The following UBXN7 variants were observed in gnomAD, a reference collection of about 807,000 sequenced individuals.
UBXN7 encodes UBX domain protein 7, also known as UBX domain-containing protein 7.
UBXN7 carries 9 observed loss-of-function variants against 58.0 expected under a neutral mutation model. The ratio of observed to expected loss-of-function variants is 0.16; its 90% CI spans 0.09 to 0.27. UBXN7 has a LOEUF of 0.27. UBXN7 is among the 10% of genes least tolerant of loss of function. The probability of loss-of-function intolerance (pLI) is 1.00; values close to 1 mark genes in which losing one functional copy is unlikely to be tolerated. For missense variants in UBXN7, 328 were observed against 599.6 expected (o/e 0.55, Z 4.73); for synonymous variants, 208 against 205.0 (o/e 1.01, Z -0.12).
In UBXN7 at chr3:196,432,263, C is replaced by CCGGGGCAG. The variant is rs754611849; in HGVS notation, c.73+56_73+63dup. On this transcript the variant is annotated intron_variant, in intron 1 of 10. Transcript: ENST00000296328. ...GGAATGCCTGAAGGTAAGGGGAAGCCCGGGGCAGACCCGCTGCCCGCTCCG... is the reference window on the plus strand; with the variant it reads ...GGAATGCCTGAAGGTAAGGGGAAGCCCGGGGCAGCGGGGCAGACCCGCTGCCCGCTCCG... 1.4e-3 allele frequency: 2,307 copies of CCGGGGCAG among 1,597,168 alleles called. 13 individuals are homozygous for CCGGGGCAG. Among genetic ancestry groups the CCGGGGCAG allele is most frequent in the Non-Finnish European group, 1.4e-3 (1,651 of 1,169,150 alleles).
At chr3:196,406,980 C>T (rs1730182213) in intron 2 of UBXN7, among the ~76,000 whole-genome samples, 1 of 152,186 alleles carries the variant, frequency 6.6e-6, no homozygotes, top group Non-Finnish European at 1.5e-5. Context: ...ACGGGCCAAT[C>T]CTAGCAGAGC....
At chr3:196,385,982 G>A (rs961376943) in intron 5 of UBXN7, among the ~76,000 whole-genome samples, 2 of 152,190 alleles carry the variant, frequency 1.3e-5, no homozygotes, top group African/African-American at 4.8e-5. Context: ...TTGTTACTGT[G>A]TCTGCGTAGA....
chr3:196,372,343 CTTTTTTTT>C (rs894793736), intron 5 of UBXN7, among the ~76,000 whole-genome samples: 1 of 107,520 alleles, frequency 9.3e-6, no homozygotes, highest in Non-Finnish European at 2.1e-5. Flanking sequence ...TTCTTTCTTT[CTTTTTTTT>C]TTTTTTTTGA....
At chr3:196,408,721 A>G (rs1188157015) in intron 1 of UBXN7, among the ~76,000 whole-genome samples, 1 of 152,220 alleles carries the variant, frequency 6.6e-6, no homozygotes, top group Non-Finnish European at 1.5e-5. Context: ...CTCTCAGAAT[A>G]TTGAAGACAG....
rs1330535040 is a variant in UBXN7, at chr3:196,356,148, C to T, written c.*537G>A. The T allele has an allele frequency of 2.6e-5, 4 of 152,654 alleles. No individual in the cohort carries two copies. Among genetic ancestry groups the T allele is most frequent in the Admixed American group, 6.5e-5 (1 of 15,280 alleles). 9.5% of individuals were successfully genotyped at this position (152,654 alleles called of 1,614,324 possible). A position where few individuals can be genotyped will look rare whatever the true frequency, so the allele number is the denominator to read the frequency against. On this transcript the variant is annotated 3_prime_UTR_variant, in exon 11 of 11. Transcript: ENST00000296328. ...GATGCTTTTTCCACGTAAACAAAAGCCTGGATATTTTGTTAAGCGACATTT... is the reference window on the plus strand; with the variant it reads ...GATGCTTTTTCCACGTAAACAAAAGTCTGGATATTTTGTTAAGCGACATTT...
In UBXN7 at chr3:196,355,372, C is replaced by T. The variant is rs2108823537; in HGVS notation, c.*1313G>A. ...TGGTATTCTACAGATTCAAGATGGC[C>T]TCTTCTAAAAACACTGAAGAAAGCT... On this transcript the variant is annotated 3_prime_UTR_variant, in exon 11 of 11. Transcript: ENST00000296328. 1 of 152,214 alleles carries T rather than the reference C, an allele frequency of 6.6e-6. No individual in the cohort carries two copies. Among genetic ancestry groups the T allele is most frequent in the Admixed American group, 6.5e-5 (1 of 15,282 alleles). The allele number at this position is 152,214 out of a possible 1,614,324, so 9.4% of individuals were successfully genotyped here. A position where few individuals can be genotyped will look rare whatever the true frequency, so the allele number is the denominator to read the frequency against.
chr3:196,361,937 TTA>T lies in UBXN7; in HGVS notation c.1229-16_1229-15del. On this transcript the variant is annotated splice_polypyrimidine_tract_variant and intron_variant, in intron 9 of 10. Coordinates refer to ENST00000296328, the MANE Select transcript of UBXN7 (RefSeq NM_015562.2). ...GTGCTTTTGGTCCTAAAGGAAGGGT[TTA>T]AAAAAAAAAAAAAAACGGGATACAG... 2 of 1,582,650 alleles carry T rather than the reference TTA, an allele frequency of 1.3e-6. No individual in the cohort carries two copies. Among genetic ancestry groups the T allele is most frequent in the Non-Finnish European group, 8.6e-7 (1 of 1,166,832 alleles).
At chr3:196,367,819 G>T (rs1229414440) in intron 8 of UBXN7, among the ~76,000 whole-genome samples, 2 of 152,132 alleles carry the variant, frequency 1.3e-5, no homozygotes, top group Non-Finnish European at 2.9e-5. Flanking sequence ...AGACTGGCAG[G>T]AGTATGAGTA....
intron 1 of UBXN7, among the ~76,000 whole-genome samples, chr3:196,421,762 C>T (rs992286665): frequency 2.7e-5 from 4 of 149,906 alleles, no homozygotes; most frequent in Non-Finnish European, 5.9e-5. Flanking sequence ...GGCAACAAAG[C>T]GAGACTCCAT....
chr3:196,419,563 T>C (rs1418164540), intron 1 of UBXN7, among the ~76,000 whole-genome samples: 2 of 152,226 alleles, frequency 1.3e-5, no homozygotes, highest in East Asian at 1.9e-4. Flanking sequence ...GTTCTTAGCG[T>C]ATCACTTAGT....
chr3:196,421,894 GA>G (rs1477597526), intron 1 of UBXN7, among the ~76,000 whole-genome samples: 2 of 151,910 alleles, frequency 1.3e-5, no homozygotes, highest in Non-Finnish European at 2.9e-5. Flanking sequence ...CACACTTATT[GA>G]AATGGCTTTA....
chr3:196,427,271 C>T (rs1030165015), intron 1 of UBXN7, among the ~76,000 whole-genome samples: 2 of 152,150 alleles, frequency 1.3e-5, no homozygotes, highest in Non-Finnish European at 2.9e-5. Flanking sequence ...CTTTTATTTA[C>T]TTTTTCTTTT....
In UBXN7 at chr3:196,349,872, A is replaced by G. The variant is rs187020861; in HGVS notation, c.*6813T>C. The G allele has an allele frequency of 1.5e-3, 227 of 152,328 alleles. 1 individual carries two copies. Among genetic ancestry groups the G allele is most frequent in the African/African-American group, 5.2e-3 (218 of 41,570 alleles). 9.4% of individuals were successfully genotyped at this position (152,328 alleles called of 1,614,324 possible). A position where few individuals can be genotyped will look rare whatever the true frequency, so the allele number is the denominator to read the frequency against. ...TAATAACTTCTTTTGATGAGAAAAA[A>G]TATTACTTAGGTTTAGTCCAGCTTA... On this transcript the variant is annotated 3_prime_UTR_variant, in exon 11 of 11. Coordinates refer to ENST00000296328, the MANE Select transcript of UBXN7 (RefSeq NM_015562.2).
At chr3:196,371,583 G>C (rs1339092723) in intron 6 of UBXN7, among the ~76,000 whole-genome samples, 1 of 152,158 alleles carries the variant, frequency 6.6e-6, no homozygotes, top group Non-Finnish European at 1.5e-5. Flanking sequence ...CCGGGTTCAA[G>C]TGATTCTCCT....
chr3:196,356,995 G>A (rs1728368435), intron 10 of UBXN7, 149 bp from the exon 11 acceptor site: 4 of 1,056,824 alleles, frequency 3.8e-6, no homozygotes, highest in Middle Eastern at 3.1e-4. Context: ...GCTTGCCCTT[G>A]GGGAAGGGCC....
intron 5 of UBXN7, among the ~76,000 whole-genome samples, chr3:196,381,493 T>G (rs1202094380): frequency 6.6e-6 from 1 of 152,012 alleles, no homozygotes; most frequent in Non-Finnish European, 1.5e-5. Flanking sequence ...GTCACCAACA[T>G]CAAAGACCAA....
intron 1 of UBXN7, among the ~76,000 whole-genome samples, chr3:196,415,153 CTT>C (rs869101939): frequency 8.4e-5 from 11 of 130,352 alleles, no homozygotes; most frequent in Admixed American, 7.7e-5. Flanking sequence ...TATCATACTT[CTT>C]TTTTTTTTTT....
At position 196,423,981 on chromosome 3, in the gene UBXN7, C is replaced by T. The variant is rs140184191; in HGVS notation, c.73+8346G>A. Reference sequence around the variant, plus strand: ...CTTGGCTCTCTGCAACCTCTGACTCCCGGGTTCCAGCGATTCACCTGCCTC... The same window carrying T: ...CTTGGCTCTCTGCAACCTCTGACTCTCGGGTTCCAGCGATTCACCTGCCTC... On this transcript the variant is annotated intron_variant, in intron 1 of 10. Transcript: ENST00000296328. 3.5e-3 allele frequency among the ~76,000 whole-genome samples: 528 copies of T among 151,442 alleles called. 1 individual carries two copies. Among genetic ancestry groups the T allele is most frequent in the Non-Finnish European group, 5.8e-3 (396 of 67,876 alleles).
intron 5 of UBXN7, among the ~76,000 whole-genome samples, chr3:196,380,832 C>T (rs183656426): frequency 6.9e-4 from 105 of 152,366 alleles, no homozygotes; most frequent in Non-Finnish European, 1.1e-3. Context: ...GATTCTCTCT[C>T]GTACCTGGCT....
Sources: gnomAD v4.1 joint callset for allele counts (sites outside exome capture counted in the v4.1 genomes callset) on GRCh38, gnomAD v4.1.1 for gene constraint, MANE v1.5 for transcripts, NCBI Gene and HGNC (gene_info 2026-07-23, HGNC 2026-07-21) for gene names.